Variants in CNTNAP2 observed in about 807,000 individuals in gnomAD.
CNTNAP2 encodes the protein contactin-associated protein-like 2.
CNTNAP2 carries 98 observed loss-of-function variants against 155.2 expected under a neutral mutation model. The observed-to-expected ratio is 0.63, with a 90% CI of 0.54 to 0.75. CNTNAP2 has a LOEUF of 0.75. Ranked by LOEUF, CNTNAP2 falls within the 30% of genes least tolerant of loss-of-function variation. The probability of loss-of-function intolerance (pLI) is 0.00; values close to 1 mark genes in which losing one functional copy is unlikely to be tolerated. For synonymous variants in CNTNAP2, 651 were observed against 631.2 expected (o/e 1.03, Z -0.47); for missense variants, 1,727 against 1,688.1 (o/e 1.02, Z -0.40).
chr7:146,491,102 A>G (rs1422481058), intron 1 of CNTNAP2, among the ~76,000 whole-genome samples: 3 of 152,160 alleles, frequency 2.0e-5, no homozygotes, highest in African/African-American at 7.2e-5. Context: ...CCCAAAAAAA[A>G]CAAAACAACA....
chr7:148,120,596 A>G (rs566012817), intron 16 of CNTNAP2, among the ~76,000 whole-genome samples: 1 of 152,292 alleles, frequency 6.6e-6, no homozygotes, highest in South Asian at 2.1e-4. Flanking sequence ...AAATCTTTAG[A>G]GCTGTCTTCA....
chr7:146,521,432 C>G (rs1797615276), intron 1 of CNTNAP2, among the ~76,000 whole-genome samples: 1 of 151,792 alleles, frequency 6.6e-6, no homozygotes, highest in Admixed American at 6.6e-5. Flanking sequence ...CAGAAATTTC[C>G]AAAATCAACT....
At chr7:148,115,653 G>A (rs932640547) in intron 15 of CNTNAP2, among the ~76,000 whole-genome samples, 2 of 152,112 alleles carry the variant, frequency 1.3e-5, no homozygotes, top group Admixed American at 1.3e-4. Flanking sequence ...CTCTTGCTGT[G>A]TAGTAAGGCA....
intron 1 of CNTNAP2, among the ~76,000 whole-genome samples, chr7:146,215,096 G>A (rs1234696282): frequency 6.6e-6 from 1 of 152,014 alleles, no homozygotes; most frequent in Non-Finnish European, 1.5e-5. Context: ...TTACGTACAT[G>A]GAAAGGAAAT....
intron 11 of CNTNAP2, among the ~76,000 whole-genome samples, chr7:147,540,764 G>A (rs572504312): frequency 6.6e-6 from 1 of 152,058 alleles, no homozygotes; most frequent in South Asian, 2.1e-4. Flanking sequence ...CGGGGAGTTG[G>A]AGGTCGCAAT....
At chr7:146,369,233 T>C (rs1171634703) in intron 1 of CNTNAP2, among the ~76,000 whole-genome samples, 1 of 151,750 alleles carries the variant, frequency 6.6e-6, no homozygotes, top group East Asian at 1.9e-4. Flanking sequence ...AAGAAGTCTG[T>C]CTCCTAACTT....
intron 11 of CNTNAP2, among the ~76,000 whole-genome samples, chr7:147,491,011 C>A (rs898968450): frequency 6.6e-6 from 1 of 152,142 alleles, no homozygotes; most frequent in African/African-American, 2.4e-5. Context: ...CCTCCCTTGG[C>A]ATGTGGGAAT....
At chr7:146,971,262 A>G (rs1453113066) in intron 3 of CNTNAP2, among the ~76,000 whole-genome samples, 1 of 152,196 alleles carries the variant, frequency 6.6e-6, no homozygotes, top group African/African-American at 2.4e-5. Flanking sequence ...ATTATTGTAC[A>G]AAGAGAGAAC....
intron 21 of CNTNAP2, among the ~76,000 whole-genome samples, chr7:148,327,929 T>A (rs1020288045): frequency 1.3e-5 from 2 of 151,370 alleles, no homozygotes; most frequent in Non-Finnish European, 1.5e-5. Flanking sequence ...TGATCCAGAG[T>A]TTACAGGTAA....
chr7:147,712,134 A>G (rs1410984764), intron 13 of CNTNAP2, among the ~76,000 whole-genome samples: 2 of 152,174 alleles, frequency 1.3e-5, no homozygotes, highest in Admixed American at 1.3e-4. Context: ...CCTGTCAGAC[A>G]CATGAAAAAA....
chr7:146,618,160 C>G (rs1486546881), intron 1 of CNTNAP2, among the ~76,000 whole-genome samples: 1 of 152,118 alleles, frequency 6.6e-6, no homozygotes, highest in African/African-American at 2.4e-5. Flanking sequence ...ACTGAACGTT[C>G]AATTACTTTA....
chr7:147,287,985 C>T (rs1043795885), intron 8 of CNTNAP2, among the ~76,000 whole-genome samples: 3 of 152,050 alleles, frequency 2.0e-5, no homozygotes, highest in African/African-American at 7.2e-5. Flanking sequence ...ACTTATCAGG[C>T]CTTTACCTAT....
intron 13 of CNTNAP2, among the ~76,000 whole-genome samples, chr7:147,835,160 A>T (rs1798614633): frequency 6.6e-6 from 1 of 152,164 alleles, no homozygotes; most frequent in South Asian, 2.1e-4. Context: ...GAATCCAGCC[A>T]CAGAGGTCAG....
chr7:146,462,775 G>A (rs148469795), intron 1 of CNTNAP2, among the ~76,000 whole-genome samples: 5 of 152,218 alleles, frequency 3.3e-5, no homozygotes, highest in East Asian at 3.9e-4. Context: ...TCCTTGTAGC[G>A]GGGAATAGTA....
chr7:147,785,462 T>A (rs1007895144), intron 13 of CNTNAP2, among the ~76,000 whole-genome samples: 3 of 151,904 alleles, frequency 2.0e-5, no homozygotes, highest in African/African-American at 7.3e-5. Flanking sequence ...GAATAATAGG[T>A]GGGAAAGCCA....
At chr7:147,513,085 T>C (rs1799050284) in intron 11 of CNTNAP2, among the ~76,000 whole-genome samples, 1 of 152,130 alleles carries the variant, frequency 6.6e-6, no homozygotes, top group South Asian at 2.1e-4. Context: ...TAAGAGTAGG[T>C]CATTTGAATA....
intron 13 of CNTNAP2, among the ~76,000 whole-genome samples, chr7:147,656,160 C>A (rs1422353886): frequency 2.0e-5 from 3 of 152,198 alleles, no homozygotes; most frequent in Non-Finnish European, 4.4e-5. Flanking sequence ...CTGGATTAGG[C>A]TATGGCTTAA....
chr7:146,480,687 C>CAT (rs1491366158), intron 1 of CNTNAP2, among the ~76,000 whole-genome samples: 2 of 121,222 alleles, frequency 1.6e-5, no homozygotes, highest in African/African-American at 3.2e-5. Context: ...TTTTTTTTTC[C>CAT]TTTTTTTTTT....
At chr7:147,353,520 C>T (rs1456206854) in intron 9 of CNTNAP2, among the ~76,000 whole-genome samples, 1 of 152,080 alleles carries the variant, frequency 6.6e-6, no homozygotes, top group Non-Finnish European at 1.5e-5. Context: ...TGTATATGTG[C>T]CACATTTTCT....
Sources: allele counts gnomAD v4.1 joint callset (sites outside exome capture counted in the v4.1 genomes callset), GRCh38; gene constraint gnomAD v4.1.1; transcripts MANE v1.5; gene names NCBI Gene and HGNC (gene_info 2026-07-23, HGNC 2026-07-21).